The following GPM6B variants were observed in gnomAD, a reference collection of about 807,000 sequenced individuals.
GPM6B encodes the protein glycoprotein M6B.
A neutral mutation model predicts 27.2 loss-of-function variants in GPM6B; 4 were observed. The observed-to-expected ratio is 0.15, with a 90% CI of 0.07 to 0.34. The LOEUF (loss-of-function observed/expected upper bound fraction) is 0.34. Ranked by LOEUF, GPM6B falls within the 10% of genes least tolerant of loss-of-function variation. The pLI is 1.00. For synonymous variants in GPM6B, 124 were observed against 103.1 expected (o/e 1.20, Z -1.23); for missense variants, 183 against 261.9 (o/e 0.70, Z 2.08).
intron 1 of GPM6B, among the ~76,000 whole-genome samples, chrX:13,907,039 T>C (rs1353437515): frequency 8.9e-6 from 1 of 112,727 alleles, no homozygotes; most frequent in African/African-American, 3.2e-5. Flanking sequence ...ATGCTTTTTC[T>C]GTTTCTGTGT....
chrX:13,878,945 T>G (rs1286952150), intron 1 of GPM6B, among the ~76,000 whole-genome samples: 1 of 112,010 alleles, frequency 8.9e-6, no homozygotes, highest in Non-Finnish European at 1.9e-5. Flanking sequence ...AAATGGATTC[T>G]CCCCTAGGGC....
chrX:13,910,289 C>T (rs1056699113), intron 1 of GPM6B, among the ~76,000 whole-genome samples: 1 of 112,821 alleles, frequency 8.9e-6, no homozygotes, highest in African/African-American at 3.2e-5. Flanking sequence ...AGTCAGCACC[C>T]TGCACAATTA....
chrX:13,782,849 T>C (rs2048544147), intron 4 of GPM6B, among the ~76,000 whole-genome samples: 1 of 111,129 alleles, frequency 9.0e-6, no homozygotes, highest in Non-Finnish European at 1.9e-5. Context: ...CAGCCCCTAG[T>C]TTGCTAACCC....
intron 1 of GPM6B, among the ~76,000 whole-genome samples, chrX:13,928,674 C>G (rs1921327402): frequency 8.9e-6 from 1 of 112,723 alleles, no homozygotes; most frequent in Non-Finnish European, 1.9e-5. Context: ...TGAATTTAAG[C>G]ACCCATCTTA....
At chrX:13,802,242 A>G (rs1334779945) in intron 2 of GPM6B, among the ~76,000 whole-genome samples, 1 of 111,281 alleles carries the variant, frequency 9.0e-6, no homozygotes, top group African/African-American at 3.3e-5. Flanking sequence ...AGAAGTACTC[A>G]GTCTTGAATA....
At chrX:13,856,012 C>T (rs191655730) in intron 1 of GPM6B, among the ~76,000 whole-genome samples, 2 of 111,610 alleles carry the variant, frequency 1.8e-5, no homozygotes, top group African/African-American at 6.5e-5. Flanking sequence ...TCAAAGAGAA[C>T]CACCACCTCC....
intron 1 of GPM6B, among the ~76,000 whole-genome samples, chrX:13,898,291 T>C (rs2050251402): frequency 8.9e-6 from 1 of 112,349 alleles, no homozygotes; most frequent in African/African-American, 3.2e-5. Context: ...CGACCAAAAA[T>C]GTCTGCAAGA....
intron 1 of GPM6B, among the ~76,000 whole-genome samples, chrX:13,865,559 A>AAAAAAAGAAAG (rs34662549): frequency 0.011 from 599 of 52,772 alleles, 11 homozygotes; most frequent in East Asian, 0.044. Flanking sequence ...AAAAAAAAAA[A>AAAAAAAGAAAG]AAAGAAAGAA....
Position 13,783,482 on chromosome X carries a change from G to C in GPM6B, c.408C>G (p.Ser136=). 1 of 1,203,900 alleles carries C rather than the reference G, an allele frequency of 8.3e-7. No individual in the cohort carries two copies. Among genetic ancestry groups the C allele is most frequent in the Non-Finnish European group, 1.1e-6 (1 of 889,738 alleles). The part of the protein sequence containing the change: ...LMQYVIYGIA[S]FFFLYGIILL... ...GAATGATCCCATACAAGAAGAAAAA[G>C]GACGCAATTCCATAGATGACATACT... is the stretch of plus-strand genomic sequence containing the variant. The change falls in exon 4 of 8, where the codon TCC becomes TCG. Residue 136 remains serine, a synonymous_variant. Transcript: ENST00000316715.
chrX:13,881,281 G>A (rs12057106), intron 1 of GPM6B, among the ~76,000 whole-genome samples: 24,108 of 111,594 alleles, frequency 0.22, 2,277 homozygotes, highest in East Asian at 0.63. Flanking sequence ...AGGCCAAGGT[G>A]GGAGGACTGC....
chrX:13,853,210 T>C (rs2049739778), intron 1 of GPM6B, among the ~76,000 whole-genome samples: 1 of 111,393 alleles, frequency 9.0e-6, no homozygotes, highest in South Asian at 3.8e-4. Flanking sequence ...CCACCCCATG[T>C]TCTGAGATTC....
At chrX:13,830,924 T>G (rs930347723) in intron 1 of GPM6B, among the ~76,000 whole-genome samples, 1 of 110,501 alleles carries the variant, frequency 9.0e-6, no homozygotes. Flanking sequence ...ATCCAGTAAA[T>G]TGTCACTGCA....
At chrX:13,810,544 T>G (rs932709447) in intron 1 of GPM6B, among the ~76,000 whole-genome samples, 1 of 111,043 alleles carries the variant, frequency 9.0e-6, no homozygotes, top group Non-Finnish European at 1.9e-5. Context: ...AGCCAGGCCA[T>G]GCAATTCAGG....
intron 1 of GPM6B, among the ~76,000 whole-genome samples, chrX:13,861,762 T>C (rs1433193427): frequency 8.9e-6 from 1 of 112,159 alleles, no homozygotes; most frequent in Non-Finnish European, 1.9e-5. Flanking sequence ...AGAAGTAATA[T>C]ACACAGACAG....
At chrX:13,867,745 C>A (rs1015482767) in intron 1 of GPM6B, among the ~76,000 whole-genome samples, 1 of 111,808 alleles carries the variant, frequency 8.9e-6, no homozygotes, top group Admixed American at 9.5e-5. Context: ...GTCATGGGAA[C>A]AAACGGTTGT....
chrX:13,774,265 C>G, intron 7 of GPM6B: 1 of 843,323 alleles, frequency 1.2e-6, no homozygotes, highest in Non-Finnish European at 1.4e-6. Flanking sequence ...ATACTGCTCT[C>G]TAATGTTTAA....
At chrX:13,805,551 G>GA (rs1206611402) in intron 2 of GPM6B, among the ~76,000 whole-genome samples, 1 of 112,346 alleles carries the variant, frequency 8.9e-6, no homozygotes, top group African/African-American at 3.2e-5. Context: ...CAGAAAAACA[G>GA]AAAATGGAGC....
intron 2 of GPM6B, among the ~76,000 whole-genome samples, chrX:13,791,776 T>G (rs1450041092): frequency 2.7e-5 from 3 of 111,237 alleles, no homozygotes; most frequent in Admixed American, 1.9e-4. Context: ...GGCCAAGTGA[T>G]TTGCCCAAGT....
intron 7 of GPM6B, chrX:13,773,800 T>C (rs772268492): frequency 8.2e-5 from 13 of 158,465 alleles, no homozygotes; most frequent in African/African-American, 1.3e-4. Flanking sequence ...CTATTTTCTC[T>C]TCCCGTTAAA....
Sources: gnomAD v4.1 joint callset for allele counts (sites outside exome capture counted in the v4.1 genomes callset) on GRCh38, gnomAD v4.1.1 for gene constraint, MANE v1.5 for transcripts, NCBI Gene and HGNC (gene_info 2026-07-23, HGNC 2026-07-21) for gene names.